Variants in KCNH7 observed in about 807,000 individuals in gnomAD.
The protein encoded by KCNH7 is potassium voltage-gated channel subfamily H member 7.
Under a neutral mutation model 120.8 loss-of-function variants are expected in KCNH7, and 49 were observed. The observed-to-expected ratio is 0.41, with a 90% CI of 0.32 to 0.51. KCNH7 has a LOEUF of 0.51. Ranked by LOEUF, KCNH7 falls within the 20% of genes least tolerant of loss-of-function variation. KCNH7 has a pLI of 0.38. For missense variants in KCNH7, 1,097 were observed against 1,446.6 expected (o/e 0.76, Z 3.92); for synonymous variants, 547 against 516.1 (o/e 1.06, Z -0.81).
chr2:162,442,182 C>T (rs912140187), intron 7 of KCNH7, among the ~76,000 whole-genome samples: 90 of 151,318 alleles, frequency 5.9e-4, no homozygotes, highest in Middle Eastern at 6.8e-3. Flanking sequence ...CCCGCCACCA[C>T]GCCCAGCTAA....
intron 2 of KCNH7, among the ~76,000 whole-genome samples, chr2:162,726,438 G>C (rs887731969): frequency 7.2e-5 from 11 of 152,022 alleles, no homozygotes; most frequent in Non-Finnish European, 1.0e-4. Context: ...TATTATTTTT[G>C]AGATGGAGTC....
intron 2 of KCNH7, among the ~76,000 whole-genome samples, chr2:162,699,053 C>T (rs1686397688): frequency 6.6e-6 from 1 of 152,008 alleles, no homozygotes; most frequent in South Asian, 2.1e-4. Flanking sequence ...ATATGCATTA[C>T]CTCACATGCT....
intron 2 of KCNH7, among the ~76,000 whole-genome samples, chr2:162,754,966 C>T (rs1464135049): frequency 1.3e-5 from 2 of 152,006 alleles, no homozygotes; most frequent in African/African-American, 2.4e-5. Context: ...ACTATTCTGT[C>T]GTGAATCTAA....
chr2:162,823,161 G>A (rs16847392), intron 2 of KCNH7, among the ~76,000 whole-genome samples: 10,814 of 151,802 alleles, frequency 0.071, 415 homozygotes, highest in South Asian at 0.11. Flanking sequence ...CAGTGTTGAG[G>A]AAGTTATTGA....
chr2:162,476,260 AC>A (rs1689741135), intron 6 of KCNH7, among the ~76,000 whole-genome samples: 1 of 152,152 alleles, frequency 6.6e-6, no homozygotes, highest in African/African-American at 2.4e-5. Context: ...TATAGAGCAA[AC>A]TTTTATAGAG....
intron 2 of KCNH7, among the ~76,000 whole-genome samples, chr2:162,800,507 A>G (rs1274204742): frequency 2.0e-5 from 3 of 151,752 alleles, no homozygotes; most frequent in Non-Finnish European, 3.0e-5. Flanking sequence ...CAGTAACGTC[A>G]CAATACCTCA....
rs150810793 is a variant in KCNH7, at chr2:162,760,225, T to C, written c.307+76312A>G. Among the ~76,000 whole-genome samples, 285 of 152,208 alleles carry C rather than the reference T, an allele frequency of 1.9e-3. 2 individuals are homozygous for C. The highest frequency in any genetic ancestry group is 6.5e-3 in the African/African-American group (270 of 41,550). ...ACATTTTCTAGTTTAGTAACCACCT[T>C]GCATAATTTTCTAAAAAAAGTCTCA... On this transcript the variant is annotated intron_variant, in intron 2 of 15. Coordinates refer to ENST00000332142, the MANE Select transcript of KCNH7 (RefSeq NM_033272.4).
intron 3 of KCNH7, among the ~76,000 whole-genome samples, chr2:162,531,080 C>A (rs573015427): frequency 6.6e-6 from 1 of 151,888 alleles, no homozygotes; most frequent in South Asian, 2.1e-4. Context: ...TTACTCTGTC[C>A]AACGCTTCCC....
intron 2 of KCNH7, among the ~76,000 whole-genome samples, chr2:162,786,834 T>C (rs1040548237): frequency 6.6e-6 from 1 of 152,102 alleles, no homozygotes; most frequent in East Asian, 1.9e-4. Context: ...AAATATCCAT[T>C]TGAACAACCA....
At chr2:162,770,298 C>G (rs1682996944) in intron 2 of KCNH7, among the ~76,000 whole-genome samples, 1 of 148,942 alleles carries the variant, frequency 6.7e-6, no homozygotes, top group Non-Finnish European at 1.5e-5. Flanking sequence ...GAACATTACT[C>G]TTGGATATAA....
chr2:162,540,315 A>G lies in KCNH7; in HGVS notation c.308-3235T>C, dbSNP rs183745501. Among the ~76,000 whole-genome samples the G allele has an allele frequency of 4.3e-3, 653 of 150,994 alleles. 11 individuals are homozygous for G. The highest frequency in any genetic ancestry group is 0.016 in the African/African-American group (628 of 40,336). On this transcript the variant is annotated intron_variant, in intron 2 of 15. Coordinates refer to ENST00000332142, the MANE Select transcript of KCNH7 (RefSeq NM_033272.4). ...TATCCACATTTTCTCCCCTGAGTGAAAACATTTCCAAAGTGGAAAAGACTG... is the reference window on the plus strand; with the variant it reads ...TATCCACATTTTCTCCCCTGAGTGAGAACATTTCCAAAGTGGAAAAGACTG...
At position 162,600,629 on chromosome 2, in the gene KCNH7, A is replaced by G. The variant is rs888790176; in HGVS notation, c.308-63549T>C. Among the ~76,000 whole-genome samples, 22 of 152,152 alleles carry G rather than the reference A, an allele frequency of 1.4e-4. 1 individual carries two copies. The highest frequency in any genetic ancestry group is 2.6e-4 in the Non-Finnish European group (18 of 68,018). On this transcript the variant is annotated intron_variant, in intron 2 of 15. Transcript: ENST00000332142. The stretch of plus-strand genomic sequence containing the variant: ...AGTCAGCTCTGTATTAAACAGATCT[A>G]CATACATGTTTCAGTTCAGAAACTT...
intron 2 of KCNH7, among the ~76,000 whole-genome samples, chr2:162,539,450 T>C (rs189256699): frequency 1.7e-4 from 26 of 152,126 alleles, no homozygotes; most frequent in African/African-American, 6.3e-4. Flanking sequence ...AAATAAAATA[T>C]GTGGGGATAG....
At chr2:162,550,088 A>G (rs1344759586) in intron 2 of KCNH7, among the ~76,000 whole-genome samples, 1 of 152,212 alleles carries the variant, frequency 6.6e-6, no homozygotes, top group East Asian at 1.9e-4. Flanking sequence ...TTTTCAAACT[A>G]ATTTCAGAGG....
intron 2 of KCNH7, among the ~76,000 whole-genome samples, chr2:162,791,458 T>C (rs1574396710): frequency 6.6e-6 from 1 of 152,108 alleles, no homozygotes; most frequent in East Asian, 1.9e-4. Flanking sequence ...CTCTGATTTC[T>C]TTGAGCAGTG....
At chr2:162,736,456 AGT>A (rs1467133541) in intron 2 of KCNH7, among the ~76,000 whole-genome samples, 1 of 152,158 alleles carries the variant, frequency 6.6e-6, no homozygotes, top group Non-Finnish European at 1.5e-5. Context: ...TTTAAGGAAG[AGT>A]GTTTTGTATA....
chr2:162,445,832 AAG>A (rs1688558798), intron 7 of KCNH7, among the ~76,000 whole-genome samples, 184 bp downstream of exon 7: 1 of 152,200 alleles, frequency 6.6e-6, no homozygotes. Flanking sequence ...TCTTAGCAAA[AAG>A]AGAAAGAATT....
chr2:162,644,872 T>C (rs1684295759), intron 2 of KCNH7, among the ~76,000 whole-genome samples: 1 of 152,138 alleles, frequency 6.6e-6, no homozygotes, highest in South Asian at 2.1e-4. Flanking sequence ...TCACTAACAC[T>C]GCAAAATATG....
rs538860599 is a variant in KCNH7 at position 162,838,542 on chromosome 2, C to T, written c.-24G>A. The stretch of plus-strand genomic sequence containing the variant: ...ATGTTGGCCCCGGTCTTCCGAGGAG[C>T]GCTCCCCCGGAGCTCTGGAGTTCTC... On this transcript the variant is annotated 5_prime_UTR_variant, in exon 1 of 16. Coordinates refer to ENST00000332142, the MANE Select transcript of KCNH7 (RefSeq NM_033272.4). The T allele has an allele frequency of 2.2e-5, 35 of 1,592,128 alleles. No individual in the cohort carries two copies. The South Asian group carries it at 3.6e-4, about 17-fold the overall frequency.
Sources: gnomAD v4.1 joint callset for allele counts (sites outside exome capture counted in the v4.1 genomes callset) on GRCh38, gnomAD v4.1.1 for gene constraint, MANE v1.5 for transcripts, NCBI Gene and HGNC (gene_info 2026-07-23, HGNC 2026-07-21) for gene names.